Variants in YPEL2 observed in about 807,000 individuals in gnomAD.
YPEL2 encodes yippee like 2.
Under a neutral mutation model 19.1 loss-of-function variants are expected in YPEL2, and 2 were observed. That is an observed-to-expected ratio of 0.10 (90% CI 0.04 to 0.33). The LOEUF (loss-of-function observed/expected upper bound fraction) is 0.33. YPEL2 is among the 10% of genes least tolerant of loss of function. The pLI is 1.00. For missense variants in YPEL2, 66 were observed against 140.7 expected (o/e 0.47, Z 2.68); for synonymous variants, 52 against 50.0 (o/e 1.04, Z -0.17).
chr17:59,372,939 T>A (rs551601946), intron 2 of YPEL2, among the ~76,000 whole-genome samples: 2 of 152,350 alleles, frequency 1.3e-5, no homozygotes, highest in African/African-American at 4.8e-5. Flanking sequence ...AATGGCATGG[T>A]CTCGGCTCAC....
intron 2 of YPEL2, among the ~76,000 whole-genome samples, chr17:59,365,642 C>T (rs1164768151): frequency 2.0e-5 from 3 of 152,186 alleles, no homozygotes; most frequent in African/African-American, 7.2e-5. Flanking sequence ...AAAAGAGAAT[C>T]TCTGATAACC....
intron 2 of YPEL2, chr17:59,363,181 G>T (rs2047850370): frequency 6.6e-6 from 1 of 152,040 alleles, no homozygotes; most frequent in East Asian, 1.9e-4. Flanking sequence ...GAGAGACAGG[G>T]TCTCGCTATG....
chr17:59,377,495 T>G (rs915191761), intron 2 of YPEL2, among the ~76,000 whole-genome samples: 21 of 152,168 alleles, frequency 1.4e-4, no homozygotes, highest in Non-Finnish European at 1.6e-4. Context: ...CTGTAGAGGA[T>G]GGGGATATCT....
At chr17:59,384,104 C>T (rs1003584106) in intron 2 of YPEL2, among the ~76,000 whole-genome samples, 5 of 152,118 alleles carry the variant, frequency 3.3e-5, no homozygotes, top group African/African-American at 7.2e-5. Flanking sequence ...ACATTCATGC[C>T]AACACTTGGT....
chr17:59,389,475 A>G lies in YPEL2; in HGVS notation c.270+7A>G. On this transcript the variant is annotated splice_region_variant and intron_variant, in intron 4 of 4. Transcript: ENST00000312655. ...CACTCTGGGCTGGAAATACGTAAGTATAAAGGAGTTTGGTTGGTAGAGGGC... is the reference window on the plus strand; with the variant it reads ...CACTCTGGGCTGGAAATACGTAAGTGTAAAGGAGTTTGGTTGGTAGAGGGC... 7.4e-6 allele frequency: 12 copies of G among 1,611,310 alleles called. No homozygotes were observed. The highest frequency in any genetic ancestry group is 1.1e-5 in the South Asian group (1 of 91,014).
rs536259175 is a variant in YPEL2 at position 59,367,440 on chromosome 17, G to A, written c.117+13914G>A. On this transcript the variant is annotated intron_variant, in intron 2 of 4. Transcript: ENST00000312655. ...CTATAAAGGCCAGATAGTATTTTAC[G>A]CTTTGCTGGACATAGGGTCTCCACT... Among the ~76,000 whole-genome samples the A allele has an allele frequency of 3.6e-4, 55 of 152,266 alleles. 1 individual carries two copies. The South Asian group carries it at 4.8e-3, about 13-fold the overall frequency.
chr17:59,346,095 CT>C (rs1228272396), intron 1 of YPEL2, among the ~76,000 whole-genome samples: 5 of 152,164 alleles, frequency 3.3e-5, no homozygotes, highest in Non-Finnish European at 7.3e-5. Context: ...AGGAGGACAA[CT>C]TTCCCAGTAT....
intron 1 of YPEL2, among the ~76,000 whole-genome samples, chr17:59,344,446 C>T (rs2047746278): frequency 6.6e-6 from 1 of 152,136 alleles, no homozygotes; most frequent in South Asian, 2.1e-4. Flanking sequence ...GAAGGCAGCA[C>T]CAAGTCCAAA....
intron 4 of YPEL2, 50 bp from the exon 5 acceptor site, chr17:59,397,051 T>G: frequency 6.8e-7 from 1 of 1,467,656 alleles, no homozygotes; most frequent in South Asian, 1.3e-5. Flanking sequence ...AAAAATCATT[T>G]TCTTGTCTTT....
At chr17:59,383,366 A>G (rs1428369664) in intron 2 of YPEL2, among the ~76,000 whole-genome samples, 1 of 151,104 alleles carries the variant, frequency 6.6e-6, no homozygotes, top group Non-Finnish European at 1.5e-5. Context: ...TGGGAGGCCA[A>G]GGCGGGTGGA....
intron 2 of YPEL2, among the ~76,000 whole-genome samples, chr17:59,361,857 C>T (rs1182306768): frequency 6.6e-6 from 1 of 152,102 alleles, no homozygotes; most frequent in Non-Finnish European, 1.5e-5. Flanking sequence ...TTGAAGTGTG[C>T]CTGGAAGCAG....
chr17:59,382,877 A>T (rs2047956807), intron 2 of YPEL2, among the ~76,000 whole-genome samples: 1 of 152,210 alleles, frequency 6.6e-6, no homozygotes, highest in Non-Finnish European at 1.5e-5. Context: ...TCCTGACCTC[A>T]AGTGGTCCTC....
At chr17:59,349,827 AT>A (rs1598030259) in intron 1 of YPEL2, among the ~76,000 whole-genome samples, 1 of 151,906 alleles carries the variant, frequency 6.6e-6, no homozygotes, top group South Asian at 2.1e-4. Flanking sequence ...TGCCCGGCTA[AT>A]TTTTGTATTT....
At chr17:59,350,178 C>A (rs1230484580) in intron 1 of YPEL2, among the ~76,000 whole-genome samples, 1 of 152,012 alleles carries the variant, frequency 6.6e-6, no homozygotes, top group Non-Finnish European at 1.5e-5. Flanking sequence ...TCAAGTAATC[C>A]TCTGGCCTCA....
intron 1 of YPEL2, among the ~76,000 whole-genome samples, chr17:59,348,014 C>T (rs973470730): frequency 3.9e-5 from 6 of 152,088 alleles, no homozygotes; most frequent in African/African-American, 1.2e-4. Flanking sequence ...GTATTGTGCG[C>T]CAGCTCTGTG....
intron 1 of YPEL2, among the ~76,000 whole-genome samples, chr17:59,337,129 T>C (rs1051449421): frequency 1.3e-5 from 2 of 152,174 alleles, no homozygotes; most frequent in African/African-American, 4.8e-5. Flanking sequence ...GTTTATATTG[T>C]TGAAGACTAG....
At chr17:59,386,132 G>A (rs1015247117) in intron 2 of YPEL2, among the ~76,000 whole-genome samples, 11 of 151,394 alleles carry the variant, frequency 7.3e-5, no homozygotes, top group African/African-American at 2.7e-4. Flanking sequence ...AGACCAGCCT[G>A]GGCAACATGG....
chr17:59,377,149 A>C (rs551964640), intron 2 of YPEL2, among the ~76,000 whole-genome samples: 1 of 152,286 alleles, frequency 6.6e-6, no homozygotes, highest in East Asian at 1.9e-4. Context: ...CCTTTGAAGT[A>C]TAAGAACATT....
intron 2 of YPEL2, among the ~76,000 whole-genome samples, chr17:59,372,592 A>G (rs1447618294): frequency 1.3e-5 from 2 of 152,162 alleles, no homozygotes; most frequent in Non-Finnish European, 2.9e-5. Flanking sequence ...GCTGCTAAGG[A>G]TCCCACACCC....
Sources: allele counts gnomAD v4.1 joint callset (sites outside exome capture counted in the v4.1 genomes callset), GRCh38; gene constraint gnomAD v4.1.1; transcripts MANE v1.5; gene names NCBI Gene and HGNC (gene_info 2026-07-23, HGNC 2026-07-21).